The following LPGAT1 variants were observed in gnomAD, a reference collection of about 807,000 sequenced individuals.
LPGAT1 encodes lysophosphatidylglycerol acyltransferase 1, also known as acyl-CoA:lysophosphatidylglycerol acyltransferase 1.
Under a neutral mutation model 47.5 loss-of-function variants are expected in LPGAT1, and 11 were observed. The ratio of observed to expected loss-of-function variants is 0.23; its 90% CI spans 0.15 to 0.38. The LOEUF (loss-of-function observed/expected upper bound fraction) is 0.38. Ranked by LOEUF, LPGAT1 falls within the 10% of genes least tolerant of loss-of-function variation. LPGAT1 has a pLI of 1.00. For missense variants in LPGAT1, 293 were observed against 439.0 expected, an observed-to-expected ratio of 0.67 and a Z score of 2.97; for synonymous variants, 138 against 144.2, an observed-to-expected ratio of 0.96 and a Z score of 0.31.
chr1:211,770,924 C>T (rs116054723), intron 6 of LPGAT1, among the ~76,000 whole-genome samples: 12,675 of 151,976 alleles, frequency 0.083, 647 homozygotes, highest in Admixed American at 0.15. Flanking sequence ...TGGTAAAGCC[C>T]CATCTCTACT....
intron 2 of LPGAT1, among the ~76,000 whole-genome samples, chr1:211,800,193 A>ATTTTTT (rs376366429): frequency 5.6e-5 from 8 of 141,872 alleles, no homozygotes; most frequent in Non-Finnish European, 4.6e-5. Flanking sequence ...TGTCCAGCTA[A>ATTTTTT]TTTTTTTTTT....
At chr1:211,813,150 C>A (rs2102590916) in intron 2 of LPGAT1, among the ~76,000 whole-genome samples, 1 of 152,254 alleles carries the variant, frequency 6.6e-6, no homozygotes, top group Non-Finnish European at 1.5e-5. Context: ...TGGATAAGGT[C>A]TCATAGCTAC....
intron 3 of LPGAT1, among the ~76,000 whole-genome samples, chr1:211,790,374 T>G (rs1344885368): frequency 1.3e-5 from 2 of 152,098 alleles, no homozygotes; most frequent in African/African-American, 4.8e-5. Context: ...TTCAAAAAGC[T>G]ATGTTATAAT....
At chr1:211,751,895 G>A (rs981759764) in intron 6 of LPGAT1, among the ~76,000 whole-genome samples, 6 of 151,936 alleles carry the variant, frequency 3.9e-5, no homozygotes, top group East Asian at 3.9e-4. Context: ...ACCTCTTTTA[G>A]CTGATTATCT....
chr1:211,787,291 G>C (rs1658919451), intron 4 of LPGAT1, among the ~76,000 whole-genome samples: 1 of 151,954 alleles, frequency 6.6e-6, no homozygotes, highest in African/African-American at 2.4e-5. Context: ...TCAGGAGTTT[G>C]AGACCCTAAC....
Position 211,783,502 on chromosome 1 carries a change from C to G in LPGAT1, c.454G>C (p.Gly152Arg), listed in dbSNP as rs778000343. ...AGCTGTTGGTCACGATAAGATCTTC[C>G]CTAGAAGGTACACACACACGTAATA... is the stretch of plus-strand genomic sequence containing the variant. ...LVHGDFFIRQ[G>R]RSYRDQQLLL... The change falls in exon 5 of 8, where the codon GGA becomes CGA. Residue 152 changes from glycine to arginine, a missense_variant and splice_region_variant. Transcript: ENST00000366997. The G allele has an allele frequency of 6.2e-7, 1 of 1,611,364 alleles. No homozygotes were observed. The highest frequency in any genetic ancestry group is 8.5e-7 in the Non-Finnish European group (1 of 1,178,460).
chr1:211,786,379 A>C (rs114500893), intron 4 of LPGAT1, among the ~76,000 whole-genome samples: 12,697 of 152,308 alleles, frequency 0.083, 641 homozygotes, highest in Admixed American at 0.15. Flanking sequence ...TTATTCATTA[A>C]GTAATAATTA....
At chr1:211,769,482 A>G (rs1658073555) in intron 6 of LPGAT1, among the ~76,000 whole-genome samples, 1 of 152,154 alleles carries the variant, frequency 6.6e-6, no homozygotes. Flanking sequence ...CCCGCAAGAG[A>G]GGATTTTTGG....
At chr1:211,786,875 G>A (rs1243633785) in intron 4 of LPGAT1, among the ~76,000 whole-genome samples, 1 of 152,090 alleles carries the variant, frequency 6.6e-6, no homozygotes, top group Non-Finnish European at 1.5e-5. Context: ...TAGTAATCAA[G>A]ATAAAAATGA....
intron 2 of LPGAT1, among the ~76,000 whole-genome samples, chr1:211,810,139 C>T (rs536893284): frequency 3.5e-4 from 54 of 152,152 alleles, no homozygotes; most frequent in African/African-American, 1.2e-3. Flanking sequence ...AAAAGAAAAA[C>T]ACAGATGGTA....
chr1:211,759,572 T>G (rs1657605322), intron 6 of LPGAT1, among the ~76,000 whole-genome samples: 1 of 152,238 alleles, frequency 6.6e-6, no homozygotes, highest in South Asian at 2.1e-4. Flanking sequence ...TTTAATTTGC[T>G]TTTCTTTTTC....
chr1:211,774,541 C>T (rs1167058531), intron 6 of LPGAT1, among the ~76,000 whole-genome samples: 2 of 152,122 alleles, frequency 1.3e-5, no homozygotes, highest in African/African-American at 4.8e-5. Context: ...TCACCATTTG[C>T]CACAAATTTT....
intron 6 of LPGAT1, among the ~76,000 whole-genome samples, chr1:211,766,388 G>A (rs949992714): frequency 6.6e-6 from 1 of 152,052 alleles, no homozygotes; most frequent in African/African-American, 2.4e-5. Context: ...GACTTACAAC[G>A]GGGTTACATT....
At chr1:211,762,892 T>G (rs1028125927) in intron 6 of LPGAT1, among the ~76,000 whole-genome samples, 2 of 152,178 alleles carry the variant, frequency 1.3e-5, no homozygotes, top group Non-Finnish European at 2.9e-5. Context: ...ACAAACAACA[T>G]GGCTAAACCC....
rs888659796 is a variant in LPGAT1 at position 211,830,093 on chromosome 1, C to T, written c.-28+480G>A. The T allele has an allele frequency of 7.1e-6, 7 of 984,648 alleles. No individual in the cohort carries two copies. In the African/African-American group the frequency reaches 1.2e-4, roughly 17 times the overall value. The allele number at this position is 984,648 out of a possible 1,614,324, so 61.0% of individuals were successfully genotyped here. On this transcript the variant is annotated intron_variant, in intron 1 of 7. Coordinates refer to ENST00000366997, the MANE Select transcript of LPGAT1 (RefSeq NM_014873.3). This position sits in a 1 kb window ranked among gnomAD's most constrained non-coding sequence, Gnocchi z 5.9. ...GATGAAAGGGGCAGAGAAGAGGCGACCGCAGCGCGGGGAGCCGGTGGAGCC... is the reference window on the plus strand; with the variant it reads ...GATGAAAGGGGCAGAGAAGAGGCGATCGCAGCGCGGGGAGCCGGTGGAGCC...
intron 4 of LPGAT1, among the ~76,000 whole-genome samples, chr1:211,785,023 T>C (rs1658816905): frequency 6.6e-6 from 1 of 152,140 alleles, no homozygotes; most frequent in Non-Finnish European, 1.5e-5. Context: ...CAGGATGGTC[T>C]CGATCTCCTG....
intron 2 of LPGAT1, among the ~76,000 whole-genome samples, chr1:211,800,614 C>T (rs1235171890): frequency 6.6e-6 from 1 of 152,130 alleles, no homozygotes; most frequent in East Asian, 1.9e-4. Context: ...TTGGGTGAAG[C>T]AATTCTTCCC....
intron 2 of LPGAT1, among the ~76,000 whole-genome samples, chr1:211,801,484 G>C (rs1409807331): frequency 6.6e-6 from 1 of 152,112 alleles, no homozygotes; most frequent in Non-Finnish European, 1.5e-5. Flanking sequence ...GCCGAGGTGG[G>C]AGGACTGCTT....
At chr1:211,806,029 G>A (rs1159939457) in intron 2 of LPGAT1, among the ~76,000 whole-genome samples, 2 of 152,178 alleles carry the variant, frequency 1.3e-5, no homozygotes, top group Non-Finnish European at 2.9e-5. Context: ...GGAAGCCAAG[G>A]TGGGTGGATC....
Sources: gnomAD v4.1 joint callset for allele counts (sites outside exome capture counted in the v4.1 genomes callset) on GRCh38, gnomAD v4.1.1 for gene constraint, Gnocchi (gnomAD v3.1) non-coding constraint, MANE v1.5 for transcripts, NCBI Gene and HGNC (gene_info 2026-07-23, HGNC 2026-07-21) for gene names.